KICS2: variants seen among roughly 807,000 people sequenced by gnomAD.
KICS2 encodes the protein KICSTOR subunit 2, also known as KICSTOR complex protein C12orf66.
Under a neutral mutation model 31.4 loss-of-function variants are expected in KICS2, and 13 were observed. The ratio of observed to expected loss-of-function variants is 0.41; its 90% CI spans 0.27 to 0.66. KICS2 has a LOEUF of 0.66. Ranked by LOEUF, KICS2 falls within the 30% of genes least tolerant of loss-of-function variation. The pLI is 0.28. For synonymous variants in KICS2, 209 were observed against 214.8 expected, an observed-to-expected ratio of 0.97 and a Z score of 0.24; for missense variants, 455 against 545.4, an observed-to-expected ratio of 0.83 and a Z score of 1.65.
At position 64,222,033 on chromosome 12, in the gene KICS2, G is replaced by T; in HGVS notation, c.205C>A (p.His69Asn). ...AHLAAAEKVY[H>N]SLTYLGQKLG... ...TTCTGCCCCAGGTAGGTGAGGCTGT[G>T]ATAGACCTTCTCGGCCGCGGCCAGG... The change falls in exon 1 of 3, where the codon CAC (histidine) becomes AAC (asparagine). Residue 69 changes from histidine to asparagine, a missense_variant. His to Asn is a moderately conservative substitution (Grantham distance 68). Transcript: ENST00000398055. 3 of 1,613,808 alleles carry T rather than the reference G, an allele frequency of 1.9e-6. No homozygotes were observed. Among genetic ancestry groups the T allele is most frequent in the Non-Finnish European group, 2.5e-6 (3 of 1,179,910 alleles).
chr12:64,220,233 T>C (rs1416301374), intron 1 of KICS2, among the ~76,000 whole-genome samples: 2 of 152,124 alleles, frequency 1.3e-5, no homozygotes, highest in African/African-American at 2.4e-5. Context: ...TGCTCACCCA[T>C]GCCAGCTGGG....
At chr12:64,197,244 C>A (rs1380511785) in intron 2 of KICS2, among the ~76,000 whole-genome samples, 61 of 147,062 alleles carry the variant, frequency 4.1e-4, no homozygotes, top group African/African-American at 1.5e-3. Context: ...AGACTAACAG[C>A]GGATCTCTCA....
intron 2 of KICS2, among the ~76,000 whole-genome samples, chr12:64,198,952 A>T (rs1214489362): frequency 3.3e-5 from 5 of 150,552 alleles, no homozygotes; most frequent in Non-Finnish European, 1.5e-5. Context: ...AAATTGTGGC[A>T]ATAATCGATA....
At chr12:64,202,124 G>A (rs929156597) in intron 2 of KICS2, among the ~76,000 whole-genome samples, 5 of 152,226 alleles carry the variant, frequency 3.3e-5, no homozygotes, top group South Asian at 4.1e-4. Context: ...AGTTTTTGAC[G>A]CTGGGCACAG....
chr12:64,215,320 T>A (rs537270672), intron 2 of KICS2, among the ~76,000 whole-genome samples: 8 of 152,272 alleles, frequency 5.3e-5, no homozygotes, highest in African/African-American at 1.9e-4. Flanking sequence ...CGTATTTTCA[T>A]ATTATTTTAC....
Position 64,199,615 on chromosome 12 carries a change from A to G in KICS2, c.522-4957T>C, listed in dbSNP as rs1478883998. ...AAGTTCTGGCCAGGGAAATTAGGCA[A>G]GAGAAGGAAATAAAGGGTATCCAAT... On this transcript the variant is annotated intron_variant, in intron 2 of 2. Transcript: ENST00000398055. Among the ~76,000 whole-genome samples, 11 of 150,066 alleles carry G rather than the reference A, an allele frequency of 7.3e-5. No homozygotes were observed. In the East Asian group the frequency reaches 1.8e-3, roughly 24 times the overall value.
intron 1 of KICS2, among the ~76,000 whole-genome samples, chr12:64,218,750 T>C (rs2037653213): frequency 6.6e-6 from 1 of 150,500 alleles, no homozygotes; most frequent in African/African-American, 2.4e-5. Context: ...TACCCCTATC[T>C]GGGGGAACGG....
At chr12:64,211,522 G>A (rs2037582062) in intron 2 of KICS2, among the ~76,000 whole-genome samples, 1 of 152,280 alleles carries the variant, frequency 6.6e-6, no homozygotes, top group Admixed American at 6.5e-5. Context: ...GGGAGGCTGA[G>A]GCAGGAGAAT....
downstream of KICS2, among the ~76,000 whole-genome samples, chr12:64,188,037 T>A (rs1201616658): frequency 6.6e-6 from 1 of 152,114 alleles, no homozygotes; most frequent in Non-Finnish European, 1.5e-5. Flanking sequence ...AACACTGACC[T>A]TTCCCCCTCT....
chr12:64,215,821 T>A lies in KICS2; in HGVS notation c.378A>T (p.Ser126=), dbSNP rs752987017. The change falls in exon 2 of 3, where the codon TCA becomes TCT. Residue 126 remains serine (S), a synonymous_variant. Coordinates refer to ENST00000398055, the MANE Select transcript of KICS2 (RefSeq NM_152440.5). ...CCTGAACAAAGAAGCAGAGCTGCTC[T>A]GACAGGTGGGAAAGGAGTTCTTCCA... The part of the protein sequence containing the change: ...PHVEELLSHL[S]EQLCFFVQAR... 1 of 1,614,074 alleles carries A rather than the reference T, an allele frequency of 6.2e-7. No individual in the cohort carries two copies. Among genetic ancestry groups the A allele is most frequent in the Non-Finnish European group, 8.5e-7 (1 of 1,180,010 alleles).
chr12:64,216,760 T>A (rs149862584), intron 1 of KICS2, among the ~76,000 whole-genome samples: 195 of 152,284 alleles, frequency 1.3e-3, no homozygotes, highest in African/African-American at 4.3e-3. Flanking sequence ...TCAAATAGCA[T>A]AGATATCATT....
At chr12:64,202,364 C>T (rs750904266) in intron 2 of KICS2, among the ~76,000 whole-genome samples, 6 of 151,858 alleles carry the variant, frequency 4.0e-5, no homozygotes, top group Non-Finnish European at 7.4e-5. Context: ...GGGCTGTGAT[C>T]GCACTACTGT....
At chr12:64,209,624 C>T (rs139669234) in intron 2 of KICS2, among the ~76,000 whole-genome samples, 1 of 152,114 alleles carries the variant, frequency 6.6e-6, no homozygotes, top group African/African-American at 2.4e-5. Context: ...AAAAAGGAAG[C>T]CTTTTTTAAC....
At chr12:64,206,506 T>C (rs956681247) in intron 2 of KICS2, among the ~76,000 whole-genome samples, 4 of 152,332 alleles carry the variant, frequency 2.6e-5, no homozygotes, top group Middle Eastern at 3.4e-3. Flanking sequence ...AACTAATACA[T>C]TTATTATGAA....
chr12:64,190,364 G>C (rs2037369610), downstream of KICS2, among the ~76,000 whole-genome samples: 1 of 152,182 alleles, frequency 6.6e-6, no homozygotes. Context: ...CTCAGAGGCT[G>C]ATTTGCCAAA....
intron 2 of KICS2, among the ~76,000 whole-genome samples, chr12:64,212,917 C>G (rs987742371): frequency 6.6e-6 from 1 of 151,730 alleles, no homozygotes; most frequent in Non-Finnish European, 1.5e-5. Context: ...TGGAGAAACC[C>G]TGTCTCTACC....
chr12:64,192,797 T>TA lies in KICS2; in HGVS notation c.*1044dup. ...TAAGATGCAGTGCTGCTTCTAAACA[T>TA]AATTTGTGGGGGGCAGGCATGAAAC... On this transcript the variant is annotated 3_prime_UTR_variant, in exon 3 of 3. Transcript: ENST00000398055. 1.0e-6 allele frequency: 1 copy of TA among 985,396 alleles called. No individual in the cohort carries two copies. Among genetic ancestry groups the TA allele is most frequent in the Non-Finnish European group, 1.2e-6 (1 of 829,932 alleles). The allele number at this position is 985,396 out of a possible 1,614,324, so 61.0% of individuals were successfully genotyped here.
chr12:64,196,361 G>A (rs570328845), intron 2 of KICS2, among the ~76,000 whole-genome samples: 1 of 151,466 alleles, frequency 6.6e-6, no homozygotes, highest in Admixed American at 6.6e-5. Flanking sequence ...ACACGGCAGG[G>A]TATTCCAACA....
chr12:64,221,116 G>T (rs534503704), intron 1 of KICS2, among the ~76,000 whole-genome samples: 2 of 140,272 alleles, frequency 1.4e-5, no homozygotes, highest in African/African-American at 5.3e-5. Context: ...GAACGGGGGG[G>T]GGTGGATCAA....
Sources: allele counts gnomAD v4.1 joint callset (sites outside exome capture counted in the v4.1 genomes callset), GRCh38; gene constraint gnomAD v4.1.1; transcripts MANE v1.5; gene names NCBI Gene and HGNC (gene_info 2026-07-23, HGNC 2026-07-21).